The following PLCB1 variants were observed in gnomAD, a reference collection of about 807,000 sequenced individuals.
PLCB1 encodes phospholipase C beta 1.
PLCB1 carries 46 observed loss-of-function variants against 161.8 expected under a neutral mutation model. The ratio of observed to expected loss-of-function variants is 0.28; its 90% CI spans 0.22 to 0.36. The LOEUF is 0.36. Ranked by LOEUF, PLCB1 falls within the 10% of genes least tolerant of loss-of-function variation. The pLI, the probability that PLCB1 is intolerant of heterozygous loss-of-function variation, is 1.00. For synonymous variants in PLCB1, 517 were observed against 503.7 expected, an observed-to-expected ratio of 1.03 and a Z score of -0.35; for missense variants, 1,016 against 1,472.5, an observed-to-expected ratio of 0.69 and a Z score of 5.07.
At chr20:8,705,704 T>C (rs1978632538) in intron 11 of PLCB1, among the ~76,000 whole-genome samples, 1 of 152,102 alleles carries the variant, frequency 6.6e-6, no homozygotes, top group African/African-American at 2.4e-5. Flanking sequence ...AGTGCAAAGA[T>C]GGTGAGATGA....
At chr20:8,143,984 C>T (rs78535485) in intron 1 of PLCB1, among the ~76,000 whole-genome samples, 1,967 of 152,230 alleles carry the variant, frequency 0.013, 44 homozygotes, top group African/African-American at 0.045. Flanking sequence ...GCAAAGCCTC[C>T]CAGTAGTGAC....
chr20:8,852,190 T>C (rs980187023), intron 31 of PLCB1, among the ~76,000 whole-genome samples: 2 of 152,234 alleles, frequency 1.3e-5, no homozygotes, highest in Non-Finnish European at 1.5e-5. Context: ...TAAGTGTCAT[T>C]TCTAAATTGT....
intron 27 of PLCB1, among the ~76,000 whole-genome samples, chr20:8,777,993 G>GC (rs1354649203): frequency 2.0e-5 from 3 of 152,042 alleles, no homozygotes; most frequent in Admixed American, 2.0e-4. Context: ...GGAAAGACTT[G>GC]CCCCCATGAT....
intron 2 of PLCB1, among the ~76,000 whole-genome samples, chr20:8,328,402 C>T (rs1985238862): frequency 6.6e-6 from 1 of 151,986 alleles, no homozygotes; most frequent in Non-Finnish European, 1.5e-5. Flanking sequence ...GTATCTGCAG[C>T]CAGCTTCTCT....
At position 8,290,964 on chromosome 20, in the gene PLCB1, A is replaced by AT. The variant is rs1432824274; in HGVS notation, c.178-80414dup. On this transcript the variant is annotated intron_variant, in intron 2 of 31. Transcript: ENST00000338037. ...TGTGCATAGTGTAAAGTGCTTTGGGATTTTATTCATCAGTGCTCAGAATAG... is the reference window on the plus strand; with the variant it reads ...TGTGCATAGTGTAAAGTGCTTTGGGATTTTTATTCATCAGTGCTCAGAATAG... Among the ~76,000 whole-genome samples the AT allele has an allele frequency of 2.0e-5, 3 of 151,520 alleles. No homozygotes were observed. In the East Asian group the frequency reaches 5.8e-4, roughly 29 times the overall value.
rs2122992089 is a variant in PLCB1, at chr20:8,132,754, A to G, written c.99+4A>G. The G allele has an allele frequency of 6.2e-7, 1 of 1,602,940 alleles. No individual in the cohort carries two copies. The highest frequency in any genetic ancestry group is 8.5e-7 in the Non-Finnish European group (1 of 1,170,774). ...CAAATTCGTCAAGTGGGATGATGTA[A>G]GTATTGGGGCGGCCCGAGTCGGGGC... On this transcript the variant is annotated splice_donor_region_variant and intron_variant, in intron 1 of 31. Transcript: ENST00000338037. This position sits in a 1 kb window ranked among gnomAD's most constrained non-coding sequence, Gnocchi z 5.2.
At chr20:8,461,674 A>G (rs1981581783) in intron 3 of PLCB1, among the ~76,000 whole-genome samples, 1 of 152,196 alleles carries the variant, frequency 6.6e-6, no homozygotes, top group African/African-American at 2.4e-5. Flanking sequence ...TTAAATAATA[A>G]CACAAAACTA....
chr20:8,241,192 A>G (rs547774621), intron 2 of PLCB1, among the ~76,000 whole-genome samples: 2 of 152,022 alleles, frequency 1.3e-5, no homozygotes, highest in Non-Finnish European at 2.9e-5. Context: ...AAAAATATGC[A>G]TAGTGAGTTG....
intron 31 of PLCB1, among the ~76,000 whole-genome samples, chr20:8,850,072 C>G (rs1986836609): frequency 6.6e-6 from 1 of 152,218 alleles, no homozygotes; most frequent in African/African-American, 2.4e-5. Context: ...AACCACTACT[C>G]TAAACCAGCT....
At chr20:8,610,678 A>G (rs1477537819) in intron 3 of PLCB1, among the ~76,000 whole-genome samples, 1 of 152,118 alleles carries the variant, frequency 6.6e-6, no homozygotes, top group Non-Finnish European at 1.5e-5. Context: ...TACCTTCTTG[A>G]TAGTGTCCTT....
At chr20:8,273,043 T>C (rs968961702) in intron 2 of PLCB1, among the ~76,000 whole-genome samples, 1 of 152,128 alleles carries the variant, frequency 6.6e-6, no homozygotes. Flanking sequence ...ACAATTAAAA[T>C]GTACCAATTC....
chr20:8,748,616 T>C (rs1981292141), intron 23 of PLCB1, among the ~76,000 whole-genome samples: 1 of 152,188 alleles, frequency 6.6e-6, no homozygotes, highest in African/African-American at 2.4e-5. Context: ...ATGATGAAGT[T>C]TTTCACTTTG....
chr20:8,331,280 A>T (rs892755144), intron 2 of PLCB1, among the ~76,000 whole-genome samples: 9 of 152,214 alleles, frequency 5.9e-5, no homozygotes, highest in African/African-American at 1.9e-4. Context: ...CTTTTGGAAT[A>T]CTATGCCTGC....
rs3222517 is a variant in PLCB1 at position 8,881,328 on chromosome 20, C to CGTGTGT, written c.3424-268_3424-263dup. 0.043 allele frequency among the ~76,000 whole-genome samples: 5,479 copies of CGTGTGT among 128,910 alleles called. 136 individuals are homozygous for CGTGTGT. The highest frequency in any genetic ancestry group is 0.062 in the African/African-American group (2,415 of 38,774). 84.6% of individuals were successfully genotyped at this position (128,910 alleles called of 152,430 possible). On this transcript the variant is annotated intron_variant, in intron 31 of 31. Coordinates refer to ENST00000338037, the MANE Select transcript of PLCB1 (RefSeq NM_015192.4). ...ACTCTGACACCTTTTTCAAAAGACC[C>CGTGTGT]GTGTGTGTGTGTGTGTGTGTGTGTG...
At chr20:8,207,997 T>A (rs898686868) in intron 2 of PLCB1, among the ~76,000 whole-genome samples, 1 of 152,146 alleles carries the variant, frequency 6.6e-6, no homozygotes, top group Non-Finnish European at 1.5e-5. Context: ...GGTATCTGCA[T>A]GCTGGGGGAA....
intron 8 of PLCB1, 149 bp downstream of exon 8, chr20:8,657,433 C>T (rs548478437): frequency 1.6e-6 from 1 of 640,510 alleles, no homozygotes. Context: ...TGGATAGGAT[C>T]ACACAATCTT....
intron 3 of PLCB1, among the ~76,000 whole-genome samples, chr20:8,622,663 AAC>A (rs1326051764): frequency 6.6e-6 from 1 of 152,176 alleles, no homozygotes; most frequent in Non-Finnish European, 1.5e-5. Flanking sequence ...CCGCTAAATT[AAC>A]ACAGTCTTTA....
intron 2 of PLCB1, among the ~76,000 whole-genome samples, chr20:8,271,781 G>C (rs564341957): frequency 6.6e-6 from 1 of 152,214 alleles, no homozygotes; most frequent in Middle Eastern, 3.4e-3. Flanking sequence ...GTAGGTGTAT[G>C]GGCTGAAGCA....
intron 3 of PLCB1, among the ~76,000 whole-genome samples, chr20:8,417,719 A>G (rs1979364762): frequency 6.6e-6 from 1 of 152,202 alleles, no homozygotes; most frequent in Admixed American, 6.5e-5. Context: ...CCTGTTCTCA[A>G]TGGACTCCCA....
Sources: allele counts gnomAD v4.1 joint callset (sites outside exome capture counted in the v4.1 genomes callset), GRCh38; gene constraint gnomAD v4.1.1; non-coding constraint Gnocchi (gnomAD v3.1); transcripts MANE v1.5; gene names NCBI Gene and HGNC (gene_info 2026-07-23, HGNC 2026-07-21).